NCMAP: variants seen among roughly 807,000 people sequenced by gnomAD.
NCMAP encodes noncompact myelin-associated protein.
NCMAP carries 8 observed loss-of-function variants against 7.8 expected under a neutral mutation model. That is an observed-to-expected ratio of 1.02 (90% CI 0.60 to 1.84). The LOEUF is 1.84. NCMAP is among the 40% of genes most tolerant of loss of function. The pLI is 0.00. For missense variants in NCMAP, 112 were observed against 131.4 expected, an observed-to-expected ratio of 0.85 and a Z score of 0.72; for synonymous variants, 41 against 52.9, an observed-to-expected ratio of 0.78 and a Z score of 0.98.
intron 1 of NCMAP, among the ~76,000 whole-genome samples, chr1:24,577,782 T>C (rs973471580): frequency 2.6e-5 from 4 of 152,100 alleles, no homozygotes; most frequent in Admixed American, 2.6e-4. Flanking sequence ...CAGTTCGAGC[T>C]TTTGGGAGAC....
intron 2 of NCMAP, among the ~76,000 whole-genome samples, chr1:24,599,518 T>A (rs1050236322): frequency 6.6e-6 from 1 of 152,106 alleles, no homozygotes. Context: ...GAAAAATATA[T>A]AATTAAACAG....
In NCMAP at chr1:24,600,319, T is replaced by A. The variant is rs527511171; in HGVS notation, c.83-621T>A. 2.2e-4 allele frequency among the ~76,000 whole-genome samples: 34 copies of A among 151,908 alleles called. 1 individual carries two copies. Among genetic ancestry groups the A allele is most frequent in the South Asian group, 2.1e-3 (10 of 4,806 alleles). On this transcript the variant is annotated intron_variant, in intron 2 of 3. Coordinates refer to ENST00000374392, the MANE Select transcript of NCMAP (RefSeq NM_001010980.5). ...GTGCATGCCACCACACCTGGCTAAT[T>A]TTTAATTTTTTATTTCTAGAAACAG...
intron 1 of NCMAP, among the ~76,000 whole-genome samples, chr1:24,562,553 A>T (rs986507966): frequency 6.6e-6 from 1 of 152,174 alleles, no homozygotes; most frequent in Non-Finnish European, 1.5e-5. Context: ...GAATGAACAA[A>T]TGCTTGACAG....
rs187711564 is a variant in NCMAP at position 24,565,828 on chromosome 1, G to T, written c.-8+9659G>T. ...TTGCCCAGTGATATGGTTAGGCTTT[G>T]TGTCCCCACACAAATTTCATCTTGA... On this transcript the variant is annotated intron_variant, in intron 1 of 3. Transcript: ENST00000374392. 2.2e-4 allele frequency among the ~76,000 whole-genome samples: 33 copies of T among 152,214 alleles called. No homozygotes were observed. In the East Asian group the frequency reaches 6.4e-3, roughly 29 times the overall value.
At chr1:24,581,102 C>T (rs1651729698) in intron 1 of NCMAP, among the ~76,000 whole-genome samples, 1 of 151,208 alleles carries the variant, frequency 6.6e-6, no homozygotes, top group African/African-American at 2.4e-5. Flanking sequence ...GTTTGCTGAA[C>T]CAGCCAGAAG....
In NCMAP at chr1:24,580,491, A is replaced by AC. The variant is rs1283102375; in HGVS notation, c.-7-14931dup. Reference sequence around the variant, plus strand: ...TGGGGGGATGGAGTCTTGCTCTGTCACCAAGCTGGAGTGCAGTGGTGCGAT... The same window carrying AC: ...TGGGGGGATGGAGTCTTGCTCTGTCACCCAAGCTGGAGTGCAGTGGTGCGAT... On this transcript the variant is annotated intron_variant, in intron 1 of 3. Transcript: ENST00000374392. Among the ~76,000 whole-genome samples the AC allele has an allele frequency of 2.0e-5, 3 of 152,168 alleles. No individual in the cohort carries two copies. In the East Asian group the frequency reaches 5.8e-4, roughly 29 times the overall value.
At chr1:24,591,885 C>T (rs1652059533) in intron 1 of NCMAP, among the ~76,000 whole-genome samples, 1 of 152,248 alleles carries the variant, frequency 6.6e-6, no homozygotes, top group African/African-American at 2.4e-5. Context: ...GCCATTCTGA[C>T]CCTGTGAAGC....
chr1:24,604,573 TAAAAAAAAAAAAAAA>T (rs1159689184), intron 3 of NCMAP, among the ~76,000 whole-genome samples: 21 of 11,042 alleles, frequency 1.9e-3, no homozygotes, highest in Admixed American at 4.9e-3. Flanking sequence ...TAAGACTGTC[TAAAAAAAAAAAAAAA>T]AAAAAAAAAA....
In NCMAP at chr1:24,604,134, A is replaced by T. The variant is rs556023727; in HGVS notation, c.168-1472A>T. Among the ~76,000 whole-genome samples, 4 of 152,334 alleles carry T rather than the reference A, an allele frequency of 2.6e-5. No individual in the cohort carries two copies. In the South Asian group the frequency reaches 8.3e-4, roughly 32 times the overall value. ...AGTCCTTATGACCTAAACTCCTCCC[A>T]TTAGGCCCCAGCTTTCAATACTGTT... On this transcript the variant is annotated intron_variant, in intron 3 of 3. Coordinates refer to ENST00000374392, the MANE Select transcript of NCMAP (RefSeq NM_001010980.5).
intron 1 of NCMAP, among the ~76,000 whole-genome samples, chr1:24,588,587 T>C (rs1651955423): frequency 1.3e-5 from 2 of 152,182 alleles, no homozygotes; most frequent in African/African-American, 4.8e-5. Flanking sequence ...TGACAGCGTT[T>C]ATCTTCCACA....
chr1:24,577,028 C>T (rs996288856), intron 1 of NCMAP, among the ~76,000 whole-genome samples: 2 of 152,070 alleles, frequency 1.3e-5, no homozygotes, highest in East Asian at 3.9e-4. Context: ...ATCCCAGCTC[C>T]TCGTGAGGCT....
chr1:24,599,303 A>G (rs1020264508), intron 2 of NCMAP, among the ~76,000 whole-genome samples: 1 of 150,568 alleles, frequency 6.6e-6, no homozygotes, highest in African/African-American at 2.4e-5. Context: ...AAAAAACAAG[A>G]AAGAAATTAA....
intron 1 of NCMAP, among the ~76,000 whole-genome samples, chr1:24,584,808 G>T (rs1406978336): frequency 6.6e-6 from 1 of 151,896 alleles, no homozygotes; most frequent in African/African-American, 2.4e-5. Flanking sequence ...TGGTTTTTTG[G>T]TTTTTATTTT....
At chr1:24,580,106 G>A (rs1651700534) in intron 1 of NCMAP, among the ~76,000 whole-genome samples, 1 of 152,202 alleles carries the variant, frequency 6.6e-6, no homozygotes, top group Non-Finnish European at 1.5e-5. Context: ...ACCACACTGT[G>A]AGGGCCACAG....
intron 1 of NCMAP, among the ~76,000 whole-genome samples, chr1:24,560,130 C>T (rs550337950): frequency 2.1e-5 from 3 of 139,690 alleles, no homozygotes; most frequent in Non-Finnish European, 4.5e-5. Context: ...CACTGCACTC[C>T]AGCCTGGGCG....
chr1:24,558,713 T>C (rs983758148), intron 1 of NCMAP, among the ~76,000 whole-genome samples: 1 of 152,152 alleles, frequency 6.6e-6, no homozygotes, highest in Non-Finnish European at 1.5e-5. Context: ...CGGAGCGCAC[T>C]GTCACTCTCA....
At chr1:24,596,008 G>A (rs1386404746) in intron 2 of NCMAP, among the ~76,000 whole-genome samples, 1 of 152,106 alleles carries the variant, frequency 6.6e-6, no homozygotes, top group South Asian at 2.1e-4. Context: ...TTGGCTGGGT[G>A]TGGTGGCTCA....
chr1:24,597,527 G>A (rs868254102), intron 2 of NCMAP, among the ~76,000 whole-genome samples: 7 of 61,630 alleles, frequency 1.1e-4, no homozygotes, highest in East Asian at 5.5e-4. Flanking sequence ...GAAGGGGGGG[G>A]GGGAGGGGGA....
At chr1:24,594,816 A>G (rs982477367) in intron 1 of NCMAP, among the ~76,000 whole-genome samples, 4 of 152,156 alleles carry the variant, frequency 2.6e-5, no homozygotes, top group Non-Finnish European at 5.9e-5. Flanking sequence ...CCTGAGCCCA[A>G]GGAGGTCGAG....
Sources: allele counts gnomAD v4.1 joint callset (sites outside exome capture counted in the v4.1 genomes callset), GRCh38; gene constraint gnomAD v4.1.1; transcripts MANE v1.5; gene names NCBI Gene and HGNC (gene_info 2026-07-23, HGNC 2026-07-21).